The following PTHLH variants were observed in gnomAD, a reference collection of about 807,000 sequenced individuals.
The protein encoded by PTHLH is parathyroid hormone like hormone, also known as parathyroid hormone-related protein.
Under a neutral mutation model 18.6 loss-of-function variants are expected in PTHLH, and 5 were observed. The ratio of observed to expected loss-of-function variants is 0.27; its 90% CI spans 0.14 to 0.56. The LOEUF (loss-of-function observed/expected upper bound fraction) is 0.56, where lower values mean the gene tolerates loss of function less well. Among genes scored for constraint, PTHLH ranks in the 20% least tolerant of loss-of-function variants. PTHLH has a pLI of 0.92. For missense variants in PTHLH, 207 were observed against 223.9 expected (o/e 0.92, Z 0.48); for synonymous variants, 90 against 94.0 (o/e 0.96, Z 0.25).
chr12:27,968,767 G>GT (rs1173582009), intron 4 of PTHLH, among the ~76,000 whole-genome samples: 1 of 152,174 alleles, frequency 6.6e-6, no homozygotes, highest in East Asian at 1.9e-4. Flanking sequence ...GAAAAAAAAG[G>GT]TTCCACACCT....
At chr12:27,970,389 G>T (rs2062859458) in intron 2 of PTHLH, 122 bp from the exon 3 acceptor site, 1 of 148,206 alleles carries the variant, frequency 6.7e-6, no homozygotes, top group South Asian at 1.9e-4. Flanking sequence ...CGGGCGGCCC[G>T]AACGGGCCCC....
At chr12:27,970,899 G>A (rs916963613) in intron 2 of PTHLH, among the ~76,000 whole-genome samples, 3 of 152,224 alleles carry the variant, frequency 2.0e-5, no homozygotes, top group African/African-American at 7.2e-5. Flanking sequence ...GGGAGCATCG[G>A]CTAGAGAGAG....
chr12:27,969,747 G>T, intron 3 of PTHLH: 1 of 718,180 alleles, frequency 1.4e-6, no homozygotes, highest in Non-Finnish European at 2.6e-6. Context: ...AGCAAAAAGG[G>T]AAAAAAGAAA....
rs1457584175 is a variant in PTHLH, at chr12:27,958,543, GTC to G, written c.*14_*15del. 2.2e-5 allele frequency: 35 copies of G among 1,572,178 alleles called. No individual in the cohort carries two copies. Among genetic ancestry groups the G allele is most frequent in the Non-Finnish European group, 2.9e-5 (33 of 1,156,400 alleles). On this transcript the variant is annotated 3_prime_UTR_variant, in exon 6 of 6. Coordinates refer to ENST00000545234, the MANE Select transcript of PTHLH (RefSeq NM_198965.2). ...GAATCCTGCAATATGTCCTTGGAAGGTCTCTGCTGAAAATTTCAATGCCTCCT... is the reference window on the plus strand; with the variant it reads ...GAATCCTGCAATATGTCCTTGGAAGGTCTGCTGAAAATTTCAATGCCTCCT...
At chr12:27,971,062 C>G (rs2062868144) in intron 2 of PTHLH, among the ~76,000 whole-genome samples, 1 of 152,040 alleles carries the variant, frequency 6.6e-6, no homozygotes, top group South Asian at 2.1e-4. Flanking sequence ...AGAGGGGGAC[C>G]GACACTCCTG....
rs552484387 is a variant in PTHLH, at chr12:27,963,567, C to G, written c.305G>C (p.Arg102Thr). The change falls in exon 5 of 6, where the codon AGA (arginine) becomes ACA (threonine). Residue 102 changes from arginine (R) to threonine (T), a missense_variant. Transcript: ENST00000545234. Reference protein sequence around the residue: ...PVRFGSDDEGRYLTQETNKVE... With the variant: ...PVRFGSDDEGTYLTQETNKVE... ...CTTGTTAGTTTCCTGAGTTAGGTAT[C>G]TGCCCTCATCATCAGACCCAAATCG... The G allele has an allele frequency of 4.3e-6, 7 of 1,614,182 alleles. No individual in the cohort carries two copies. The highest frequency in any genetic ancestry group is 5.9e-6 in the Non-Finnish European group (7 of 1,180,028).
At chr12:27,970,588 G>C (rs954168646) in intron 2 of PTHLH, among the ~76,000 whole-genome samples, 4 of 151,912 alleles carry the variant, frequency 2.6e-5, no homozygotes, top group Non-Finnish European at 5.9e-5. Flanking sequence ...CTCCAGGCCC[G>C]GCCGGCTCCT....
chr12:27,971,675 T>TG (rs905449382), intron 2 of PTHLH, among the ~76,000 whole-genome samples: 9 of 151,154 alleles, frequency 6.0e-5, no homozygotes, highest in African/African-American at 1.7e-4. Context: ...TTAGGTTGGG[T>TG]GGGGGGGCAT....
intron 5 of PTHLH, among the ~76,000 whole-genome samples, chr12:27,961,258 A>G (rs1255977858): frequency 3.6e-5 from 3 of 83,304 alleles, no homozygotes; most frequent in Non-Finnish European, 8.3e-5. Context: ...AAAGTTATTT[A>G]TACCTCTTTT....
rs1200566000 is a variant in PTHLH at position 27,958,512 on chromosome 12, A to G, written c.*47T>C. Reference sequence around the variant, plus strand: ...TTCTAATACTTTCCATATGTTCACTATTACAGAATCCTGCAATATGTCCTT... The same window carrying G: ...TTCTAATACTTTCCATATGTTCACTGTTACAGAATCCTGCAATATGTCCTT... On this transcript the variant is annotated 3_prime_UTR_variant, in exon 6 of 6. Coordinates refer to ENST00000545234, the MANE Select transcript of PTHLH (RefSeq NM_198965.2). The G allele has an allele frequency of 1.3e-6, 2 of 1,527,748 alleles. No individual in the cohort carries two copies. 94.6% of individuals were successfully genotyped at this position (1,527,748 alleles called of 1,614,324 possible). A position where few individuals can be genotyped will look rare whatever the true frequency, so the allele number is the denominator to read the frequency against.
At chr12:27,969,555 A>T in intron 3 of PTHLH, 39 bp from the exon 4 acceptor site, 3 of 1,462,064 alleles carry the variant, frequency 2.1e-6, no homozygotes, top group Non-Finnish European at 2.8e-6. Flanking sequence ...GTCAGTCTGG[A>T]CTCTCCATCT....
intron 5 of PTHLH, 166 bp downstream of exon 5, chr12:27,963,182 T>C: frequency 6.6e-7 from 1 of 1,511,232 alleles, no homozygotes; most frequent in Non-Finnish European, 8.8e-7. Flanking sequence ...GGGGTACTGC[T>C]TTAAGGCAGA....
Position 27,970,254 on chromosome 12 carries a change from G to T in PTHLH, c.-252C>A. 2.3e-6 allele frequency: 1 copy of T among 437,028 alleles called. No individual in the cohort carries two copies. Among genetic ancestry groups the T allele is most frequent in the South Asian group, 1.7e-5 (1 of 60,318 alleles). 27.1% of individuals were successfully genotyped at this position (437,028 alleles called of 1,614,324 possible). A position where few individuals can be genotyped will look rare whatever the true frequency, so the allele number is the denominator to read the frequency against. ...AAACCGAGCGGAGGAATGTTCACAC[G>T]CTCCGAGGCAAACCTGCCGGAGAAG... On this transcript the variant is annotated 5_prime_UTR_variant, in exon 3 of 6. Coordinates refer to ENST00000545234, the MANE Select transcript of PTHLH (RefSeq NM_198965.2).
intron 4 of PTHLH, 99 bp from the exon 5 acceptor site, chr12:27,963,869 TC>T: frequency 7.8e-7 from 1 of 1,276,876 alleles, no homozygotes. Context: ...TTCTAGTTGG[TC>T]CACCGTAAGA....
chr12:27,969,412 T>G lies in PTHLH; in HGVS notation c.83A>C (p.Glu28Ala), dbSNP rs1200165359. The G allele has an allele frequency of 6.3e-7, 1 of 1,585,488 alleles. No individual in the cohort carries two copies. Among genetic ancestry groups the G allele is most frequent in the Admixed American group, 1.7e-5 (1 of 57,412 alleles). Residue 28 changes from glutamate to alanine, a missense_variant, in exon 4 of 6, where the codon GAG becomes GCG. Glu to Ala is a moderately radical substitution (Grantham distance 107, BLOSUM62 -1). Coordinates refer to ENST00000545234, the MANE Select transcript of PTHLH (RefSeq NM_198965.2). Reference protein sequence around the residue: ...YAVPSCGRSVEGLSRRLKRAV... With the variant: ...YAVPSCGRSVAGLSRRLKRAV... ...CACTTACAGGCGGCGGCTGAGACCC[T>G]CCACCGAGCGCCCGCAGGAGGGCAC...
chr12:27,972,454 GAC>G (rs1473092606), intron 1 of PTHLH, 67 bp downstream of exon 1: 3 of 151,844 alleles, frequency 2.0e-5, no homozygotes. Flanking sequence ...AGAAAATATA[GAC>G]ACAGGAAAAA....
chr12:27,965,529 C>G (rs1426537070), intron 4 of PTHLH, among the ~76,000 whole-genome samples: 1 of 152,228 alleles, frequency 6.6e-6, no homozygotes, highest in Non-Finnish European at 1.5e-5. Flanking sequence ...GATGAAAATA[C>G]AGTCATCATT....
intron 5 of PTHLH, 38 bp from the exon 6 acceptor site, chr12:27,958,606 GGTTA>G (rs764120755): frequency 6.5e-7 from 1 of 1,545,508 alleles, no homozygotes; most frequent in South Asian, 1.2e-5. Context: ...GGAGAAAACA[GGTTA>G]GTTTTCTTTA....
chr12:27,959,941 G>C (rs1320072953), intron 5 of PTHLH, among the ~76,000 whole-genome samples: 1 of 152,156 alleles, frequency 6.6e-6, no homozygotes, highest in African/African-American at 2.4e-5. Flanking sequence ...TTTGTGAATT[G>C]AGTATAAGAA....
Sources: gnomAD v4.1 joint callset for allele counts (sites outside exome capture counted in the v4.1 genomes callset) on GRCh38, gnomAD v4.1.1 for gene constraint, MANE v1.5 for transcripts, NCBI Gene and HGNC (gene_info 2026-07-23, HGNC 2026-07-21) for gene names.